FMNL3: variants seen among roughly 807,000 people sequenced by gnomAD.
The protein encoded by FMNL3 is formin-like protein 3.
FMNL3 carries 57 observed loss-of-function variants against 119.6 expected under a neutral mutation model. That is an observed-to-expected ratio of 0.48 (90% CI 0.39 to 0.59). The LOEUF (loss-of-function observed/expected upper bound fraction) is 0.59. Among genes scored for constraint, FMNL3 ranks in the 20% least tolerant of loss-of-function variants. The pLI, the probability that FMNL3 is intolerant of heterozygous loss-of-function variation, is 0.00. For synonymous variants in FMNL3, 491 were observed against 507.3 expected, an observed-to-expected ratio of 0.97 and a Z score of 0.43; for missense variants, 1,053 against 1,323.5, an observed-to-expected ratio of 0.80 and a Z score of 3.17.
At chr12:49,700,182 GGAGATT>G (rs1944863907) in intron 1 of FMNL3, among the ~76,000 whole-genome samples, 2 of 151,568 alleles carry the variant, frequency 1.3e-5, no homozygotes, top group Admixed American at 1.3e-4. Context: ...CACGAGGTCA[GGAGATT>G]GAGACCATCC....
Position 49,639,211 on chromosome 12 carries a change from T to G in FMNL3, c.*6604A>C, listed in dbSNP as rs912615126. On this transcript the variant is annotated 3_prime_UTR_variant, in exon 26 of 26. Coordinates refer to ENST00000335154, the MANE Select transcript of FMNL3 (RefSeq NM_175736.5). Reference sequence around the variant, plus strand: ...CCTTTCAGTCTAGAGTACGTACTTATGTCCTTAGGGAAGGTGGTGGTGCTA... The same window carrying G: ...CCTTTCAGTCTAGAGTACGTACTTAGGTCCTTAGGGAAGGTGGTGGTGCTA... The G allele has an allele frequency of 2.0e-5, 3 of 152,222 alleles. No individual in the cohort carries two copies. The highest frequency in any genetic ancestry group is 7.2e-5 in the African/African-American group (3 of 41,450). The allele number at this position is 152,222 out of a possible 1,614,324, so 9.4% of individuals were successfully genotyped here. A position where few individuals can be genotyped will look rare whatever the true frequency, so the allele number is the denominator to read the frequency against.
At position 49,642,799 on chromosome 12, in the gene FMNL3, C is replaced by T. The variant is rs1174956597; in HGVS notation, c.*3016G>A. On this transcript the variant is annotated 3_prime_UTR_variant, in exon 26 of 26. Coordinates refer to ENST00000335154, the MANE Select transcript of FMNL3 (RefSeq NM_175736.5). The surrounding 1 kb of genome is among the most constrained non-coding windows in gnomAD (Gnocchi z 5.8). ...TCCTGGCCAGCTAAGGAAGGGGAGG[C>T]CTGAGGATCCCTGGGATAGGCAGAA... 61 of 1,415,030 alleles carry T rather than the reference C, an allele frequency of 4.3e-5. No homozygotes were observed. The East Asian group carries it at 1.5e-3, about 35-fold the overall frequency. 87.7% of individuals were successfully genotyped at this position (1,415,030 alleles called of 1,614,324 possible).
intron 2 of FMNL3, among the ~76,000 whole-genome samples, chr12:49,667,873 G>T (rs530042628): frequency 6.6e-6 from 1 of 152,296 alleles, no homozygotes; most frequent in African/African-American, 2.4e-5. Context: ...ATACAGTCCT[G>T]TCTCATTTCA....
rs749704051 is a variant in FMNL3, at chr12:49,647,673, A to T, written c.2778+30T>A. 1 of 1,602,192 alleles carries T rather than the reference A, an allele frequency of 6.2e-7. No homozygotes were observed. The highest frequency in any genetic ancestry group is 1.7e-5 in the Admixed American group (1 of 59,902). On this transcript the variant is annotated intron_variant, in intron 23 of 25. Transcript: ENST00000335154. The surrounding 1 kb of genome is among the most constrained non-coding windows in gnomAD (Gnocchi z 4.9). ...TCCCCCAGCCAGTTTTCTCGCAACC[A>T]AACTTCTTAAAAAGCTCTCTGCAGC...
In FMNL3 at chr12:49,647,014, G is replaced by C. The variant is rs759617951; in HGVS notation, c.2872-5C>G. 1.3e-6 allele frequency: 2 copies of C among 1,595,294 alleles called. No homozygotes were observed. The highest frequency in any genetic ancestry group is 4.5e-5 in the East Asian group (2 of 44,824). ...CTTGTTCCGCTGGGATGGGGTCTAG[G>C]GCCAAGAATGTGGAGGGGAAGGAAG... On this transcript the variant is annotated splice_region_variant and splice_polypyrimidine_tract_variant and intron_variant, in intron 24 of 25. Transcript: ENST00000335154. This position sits in a 1 kb window ranked among gnomAD's most constrained non-coding sequence, Gnocchi z 4.9.
intron 1 of FMNL3, among the ~76,000 whole-genome samples, chr12:49,686,210 C>A (rs1944453543): frequency 6.6e-6 from 1 of 151,776 alleles, no homozygotes; most frequent in Admixed American, 6.5e-5. Flanking sequence ...CAGGCCCAAG[C>A]AATCCTTCTG....
chr12:49,659,373 C>T (rs930725272), intron 5 of FMNL3, among the ~76,000 whole-genome samples: 1 of 152,110 alleles, frequency 6.6e-6, no homozygotes, highest in Non-Finnish European at 1.5e-5. Context: ...TCACTTTCTG[C>T]TCCTGGAACA....
Position 49,707,377 on chromosome 12 carries a change from A to G in FMNL3, c.-197T>C, listed in dbSNP as rs1029789042. ...CGAGGGCGGAGGCAGCGTAGCGGAC[A>G]GCCGCACCGAAGCAAGGCGGACGGA... On this transcript the variant is annotated 5_prime_UTR_variant, in exon 1 of 26. Coordinates refer to ENST00000335154, the MANE Select transcript of FMNL3 (RefSeq NM_175736.5). The G allele has an allele frequency of 5.4e-5, 23 of 424,186 alleles. No individual in the cohort carries two copies. The highest frequency in any genetic ancestry group is 4.1e-4 in the African/African-American group (20 of 48,272). The allele number at this position is 424,186 out of a possible 1,614,324, so 26.3% of individuals were successfully genotyped here.
Position 49,661,984 on chromosome 12 carries a change from A to G in FMNL3, c.434T>C (p.Phe145Ser). 1 of 1,614,210 alleles carries G rather than the reference A, an allele frequency of 6.2e-7. No homozygotes were observed. The highest frequency in any genetic ancestry group is 1.6e-4 in the Middle Eastern group (1 of 6,062). The change falls in exon 5 of 26, where the codon TTT becomes TCT. Residue 145 changes from phenylalanine to serine, a missense_variant. Transcript: ENST00000335154. ...GLDVLVDYLS[F>S]AQCSVMFDFE... ...TACTCACATGACAGAACACTGGGCA[A>G]AGGACAGGTAATCCACCAGTACATC...
intron 1 of FMNL3, among the ~76,000 whole-genome samples, chr12:49,694,580 A>T (rs11169109): frequency 0.21 from 32,502 of 152,042 alleles, 5,813 homozygotes; most frequent in African/African-American, 0.5. Context: ...CCACGGACAT[A>T]GTCAGTCTTC....
chr12:49,686,814 C>T (rs1592686118), intron 1 of FMNL3, among the ~76,000 whole-genome samples: 1 of 152,094 alleles, frequency 6.6e-6, no homozygotes, highest in Non-Finnish European at 1.5e-5. Context: ...TTAATCAGCA[C>T]CCTACCCGGC....
chr12:49,693,636 G>GTTTTTTTTTTTTTTT (rs71080198), intron 1 of FMNL3, among the ~76,000 whole-genome samples: 1 of 63,362 alleles, frequency 1.6e-5, no homozygotes, highest in African/African-American at 6.3e-5. Context: ...CCCAATCTTG[G>GTTTTTTTTTTTTTTT]TTTTTTTTTT....
rs1236894887 is a variant in FMNL3, at chr12:49,642,665, A to G, written c.*3150T>C. The G allele has an allele frequency of 1.2e-6, 2 of 1,613,932 alleles. No homozygotes were observed. Among genetic ancestry groups the G allele is most frequent in the South Asian group, 1.1e-5 (1 of 91,018 alleles). ...ATCCGGCTCTTCCGGGAGTTCCTAC[A>G]GGTGCTGGAGGTGAGGCAGGCTTGT... On this transcript the variant is annotated 3_prime_UTR_variant, in exon 26 of 26. Coordinates refer to ENST00000335154, the MANE Select transcript of FMNL3 (RefSeq NM_175736.5). The surrounding 1 kb of genome is among the most constrained non-coding windows in gnomAD (Gnocchi z 5.8).
intron 1 of FMNL3, among the ~76,000 whole-genome samples, chr12:49,693,994 A>G (rs994388915): frequency 7.9e-5 from 12 of 151,808 alleles, no homozygotes; most frequent in African/African-American, 2.9e-4. Context: ...ACCGGAGTGC[A>G]GTGGCACAAT....
chr12:49,661,911 G>T lies in FMNL3; in HGVS notation c.452+55C>A, dbSNP rs1314359183. ...TCACCCTTCCTTATCAAAGTAGAATGGAACTATGTCCTCCCCCAACTGGTC... is the reference window on the plus strand; with the variant it reads ...TCACCCTTCCTTATCAAAGTAGAATTGAACTATGTCCTCCCCCAACTGGTC... On this transcript the variant is annotated intron_variant, in intron 5 of 25. Coordinates refer to ENST00000335154, the MANE Select transcript of FMNL3 (RefSeq NM_175736.5). 36 of 1,484,974 alleles carry T rather than the reference G, an allele frequency of 2.4e-5. No homozygotes were observed. In the Admixed American group the frequency reaches 5.4e-4, roughly 22 times the overall value. The allele number at this position is 1,484,974 out of a possible 1,614,324, so 92.0% of individuals were successfully genotyped here.
chr12:49,637,678 C>A lies in FMNL3; in HGVS notation c.*8137G>T. ...TACCGGCTCCTGTCCTCGGCCCAGCCCCCAGGCCTTGGGAAGCTGCCGCCC... is the reference window on the plus strand; with the variant it reads ...TACCGGCTCCTGTCCTCGGCCCAGCACCCAGGCCTTGGGAAGCTGCCGCCC... On this transcript the variant is annotated 3_prime_UTR_variant, in exon 26 of 26. Coordinates refer to ENST00000335154, the MANE Select transcript of FMNL3 (RefSeq NM_175736.5). The A allele has an allele frequency of 2.6e-6, 4 of 1,524,478 alleles. No homozygotes were observed. Among genetic ancestry groups the A allele is most frequent in the Non-Finnish European group, 3.6e-6 (4 of 1,113,454 alleles). The allele number at this position is 1,524,478 out of a possible 1,614,324, so 94.4% of individuals were successfully genotyped here. A position where few individuals can be genotyped will look rare whatever the true frequency, so the allele number is the denominator to read the frequency against.
chr12:49,700,451 A>G (rs948581860), intron 1 of FMNL3, among the ~76,000 whole-genome samples: 2 of 151,186 alleles, frequency 1.3e-5, no homozygotes, highest in African/African-American at 4.9e-5. Flanking sequence ...GCAGTGGCTC[A>G]TGCCTATAAT....
chr12:49,688,399 C>T (rs1218604713), intron 1 of FMNL3: 1 of 456,062 alleles, frequency 2.2e-6, no homozygotes, highest in East Asian at 6.9e-5. Context: ...TTTCCAAACT[C>T]CTTACCAAGG....
At chr12:49,704,500 C>T (rs1217509109) in intron 1 of FMNL3, among the ~76,000 whole-genome samples, 1 of 152,096 alleles carries the variant, frequency 6.6e-6, no homozygotes, top group Non-Finnish European at 1.5e-5. Flanking sequence ...CACCTGAGGT[C>T]AGGAGTTCGA....
Sources: allele counts gnomAD v4.1 joint callset (sites outside exome capture counted in the v4.1 genomes callset), GRCh38; gene constraint gnomAD v4.1.1; non-coding constraint Gnocchi (gnomAD v3.1); transcripts MANE v1.5; gene names NCBI Gene and HGNC (gene_info 2026-07-23, HGNC 2026-07-21).